PREX1: variants seen among roughly 807,000 people sequenced by gnomAD.
PREX1 encodes the protein phosphatidylinositol 3,4,5-trisphosphate-dependent Rac exchanger 1 protein.
PREX1 carries 41 observed loss-of-function variants against 198.3 expected under a neutral mutation model. The ratio of observed to expected loss-of-function variants is 0.21; its 90% CI spans 0.16 to 0.27. PREX1 has a LOEUF of 0.27. PREX1 is among the 10% of genes least tolerant of loss of function. The probability of loss-of-function intolerance (pLI) is 1.00; values close to 1 mark genes in which losing one functional copy is unlikely to be tolerated. For synonymous variants in PREX1, 843 were observed against 887.2 expected (o/e 0.95, Z 0.89); for missense variants, 1,620 against 2,200.7 (o/e 0.74, Z 5.28).
the PREX1 span, among the ~76,000 whole-genome samples, chr20:48,858,030 G>A: frequency 3.9e-5 from 6 of 152,216 alleles, no homozygotes; most frequent in South Asian, 4.1e-4. Flanking sequence ...GGGAGGGTAC[G>A]GGCCGATGGC....
chr20:48,628,013 CG>C, intron 37 of PREX1, 50 bp from the exon 38 acceptor site: 1 of 653,004 alleles, frequency 1.5e-6, no homozygotes, highest in South Asian at 1.5e-5. Flanking sequence ...GGACAGGGGT[CG>C]GGGGAGGACA....
chr20:48,679,902 CT>C, intron 11 of PREX1, 148 bp from the exon 12 acceptor site: 16 of 653,800 alleles, frequency 2.4e-5, no homozygotes, highest in Non-Finnish European at 3.2e-5. Context: ...GCTGGCCAGG[CT>C]TTTTTTTCAC....
At chr20:48,678,870 A>G (rs1353984659) in intron 13 of PREX1, among the ~76,000 whole-genome samples, 2 of 152,242 alleles carry the variant, frequency 1.3e-5, no homozygotes, top group African/African-American at 4.8e-5. Flanking sequence ...AGACTAATAC[A>G]GAGGACAGAA....
intron 7 of PREX1, among the ~76,000 whole-genome samples, chr20:48,696,675 TC>T (rs1601082653): frequency 1.3e-5 from 2 of 151,782 alleles, no homozygotes; most frequent in East Asian, 3.9e-4. Context: ...ACAAACCCCC[TC>T]CTAGAGTATT....
At chr20:48,803,168 C>T (rs1243557833) in intron 1 of PREX1, among the ~76,000 whole-genome samples, 2 of 152,204 alleles carry the variant, frequency 1.3e-5, no homozygotes, top group African/African-American at 4.8e-5. Flanking sequence ...ATGGCTGGTT[C>T]AGGGCATCCC....
intron 33 of PREX1, among the ~76,000 whole-genome samples, chr20:48,634,168 A>ATGGACAGACGGATGAT (rs1555829159): frequency 0.17 from 18,506 of 107,788 alleles, 1,314 homozygotes; most frequent in Middle Eastern, 0.25. Context: ...GGATGGATGG[A>ATGGACAGACGGATGAT]TGGATGCATG....
the PREX1 span, among the ~76,000 whole-genome samples, chr20:48,843,778 G>C: frequency 0.17 from 25,375 of 152,004 alleles, 2,241 homozygotes; most frequent in Non-Finnish European, 0.19. Flanking sequence ...TGCAGATGTG[G>C]ATTTCAGAAA....
intron 7 of PREX1, among the ~76,000 whole-genome samples, chr20:48,695,362 G>A (rs1347140513): frequency 3.9e-5 from 6 of 152,222 alleles, no homozygotes; most frequent in Admixed American, 2.6e-4. Flanking sequence ...CTTCCTTCCA[G>A]TGTGGTGCTG....
intron 1 of PREX1, among the ~76,000 whole-genome samples, chr20:48,748,751 G>A (rs749329657): frequency 3.3e-5 from 5 of 152,200 alleles, no homozygotes; most frequent in South Asian, 2.1e-4. Flanking sequence ...TGCGGGAGCC[G>A]AGGGTGCACC....
chr20:48,724,316 G>A (rs2090000440), intron 5 of PREX1, among the ~76,000 whole-genome samples: 1 of 152,192 alleles, frequency 6.6e-6, no homozygotes, highest in East Asian at 1.9e-4. Context: ...ACCTTGCTGA[G>A]TTGCCGTTAG....
chr20:48,784,751 TCCTGACCCCA>T (rs1431576164), intron 1 of PREX1, among the ~76,000 whole-genome samples: 1 of 152,168 alleles, frequency 6.6e-6, no homozygotes, highest in Admixed American at 6.5e-5. Flanking sequence ...TCCTGGGTCC[TCCTGACCCCA>T]CCTGAGCCCA....
At chr20:48,654,996 A>G (rs145527837) in intron 19 of PREX1, among the ~76,000 whole-genome samples, 28 of 152,334 alleles carry the variant, frequency 1.8e-4, no homozygotes, top group African/African-American at 6.7e-4. Context: ...GTCTGGCAAT[A>G]AGGAGCTCCA....
intron 7 of PREX1, among the ~76,000 whole-genome samples, chr20:48,693,525 T>TACTAGCACCTTTCATCTTGGAGTCC (rs1237143197): frequency 1.3e-5 from 2 of 152,246 alleles, no homozygotes; most frequent in Non-Finnish European, 2.9e-5. Context: ...GCACCGAGTC[T>TACTAGCACCTTTCATCTTGGAGTCC]ACTAGCACCT....
At chr20:48,682,763 A>C (rs531940371) in intron 10 of PREX1, among the ~76,000 whole-genome samples, 26 of 152,228 alleles carry the variant, frequency 1.7e-4, no homozygotes, top group African/African-American at 5.8e-4. Context: ...AACCCACTCA[A>C]ACTCAGCAGG....
intron 4 of PREX1, among the ~76,000 whole-genome samples, chr20:48,727,303 G>A (rs1272796490): frequency 1.3e-5 from 2 of 151,976 alleles, no homozygotes; most frequent in African/African-American, 4.8e-5. Flanking sequence ...CTTAGGAATG[G>A]AATACCGTTA....
chr20:48,677,135 G>A (rs961920724), intron 13 of PREX1, among the ~76,000 whole-genome samples: 7 of 152,214 alleles, frequency 4.6e-5, no homozygotes, highest in African/African-American at 1.7e-4. Flanking sequence ...GGGTCTGACA[G>A]GCTCCACGTG....
intron 14 of PREX1, among the ~76,000 whole-genome samples, chr20:48,669,223 T>G (rs2122977015): frequency 6.9e-6 from 1 of 145,670 alleles, no homozygotes; most frequent in East Asian, 2.3e-4. Flanking sequence ...CCTGCACACC[T>G]GGAATGCCCT....
intron 7 of PREX1, among the ~76,000 whole-genome samples, chr20:48,697,792 A>G (rs1348734207): frequency 2.0e-5 from 3 of 152,092 alleles, no homozygotes. Flanking sequence ...CTTCTGGAGG[A>G]TGGGAGGTGG....
Position 48,651,550 on chromosome 20 carries a change from C to T in PREX1, c.2501G>A (p.Ser834Asn). 6.2e-7 allele frequency: 1 copy of T among 1,614,100 alleles called. No homozygotes were observed. Among genetic ancestry groups the T allele is most frequent in the South Asian group, 1.1e-5 (1 of 91,056 alleles). ...FPLLSLGPRL[S>N]LCEDSPMVTL... Reference sequence around the variant, plus strand: ...GACCATGGGGCTGTCCTCACACAGGCTCAGCCGGGGACCCAGGGACAGCAG... The same window carrying T: ...GACCATGGGGCTGTCCTCACACAGGTTCAGCCGGGGACCCAGGGACAGCAG... Residue 834 changes from serine (S) to asparagine (N), a missense_variant, in exon 22 of 40, where the codon AGC (serine) becomes AAC (asparagine). Physicochemically the swap from Ser to Asn is conservative, Grantham distance 46. Transcript: ENST00000371941.
Sources: gnomAD v4.1 joint callset for allele counts (sites outside exome capture counted in the v4.1 genomes callset) on GRCh38, gnomAD v4.1.1 for gene constraint, MANE v1.5 for transcripts, NCBI Gene and HGNC (gene_info 2026-07-23, HGNC 2026-07-21) for gene names.